Variants in CNBD1 observed in about 807,000 individuals in gnomAD.
CNBD1 encodes cyclic nucleotide-binding domain-containing protein 1.
In CNBD1, 71 loss-of-function variants were observed where a neutral mutation model predicts 54.4. That is an observed-to-expected ratio of 1.30 (90% CI 1.08 to 1.59). CNBD1 has a LOEUF of 1.59. CNBD1 is among the 40% of genes most tolerant of loss of function. The pLI, the probability that CNBD1 is intolerant of heterozygous loss-of-function variation, is 0.00. For synonymous variants in CNBD1, 182 were observed against 170.7 expected (o/e 1.07, Z -0.51); for missense variants, 659 against 518.0 (o/e 1.27, Z -2.64).
At chr8:87,038,297 A>G (rs1809991550) in intron 4 of CNBD1, among the ~76,000 whole-genome samples, 1 of 152,190 alleles carries the variant, frequency 6.6e-6, no homozygotes, top group Non-Finnish European at 1.5e-5. Flanking sequence ...CAGCACAGAC[A>G]AAGCCAAGTC....
intron 4 of CNBD1, among the ~76,000 whole-genome samples, chr8:87,165,595 G>T (rs1812945473): frequency 6.6e-6 from 1 of 151,864 alleles, no homozygotes; most frequent in African/African-American, 2.4e-5. Flanking sequence ...GTTAAGATTT[G>T]CATTGAGTAG....
chr8:87,012,576 A>G (rs1679659938), intron 4 of CNBD1, among the ~76,000 whole-genome samples: 1 of 152,182 alleles, frequency 6.6e-6, no homozygotes. Flanking sequence ...CAGATCCAGG[A>G]AATAATCAAC....
chr8:86,978,534 C>CTTT (rs71277907), intron 4 of CNBD1, among the ~76,000 whole-genome samples: 36 of 66,704 alleles, frequency 5.4e-4, no homozygotes, highest in Non-Finnish European at 6.8e-4. Flanking sequence ...ATGCTTTTAT[C>CTTT]TTTTTTTTTT....
At chr8:87,086,687 G>GA (rs1811102133) in intron 4 of CNBD1, among the ~76,000 whole-genome samples, 1 of 151,078 alleles carries the variant, frequency 6.6e-6, no homozygotes, top group Non-Finnish European at 1.5e-5. Flanking sequence ...TGTGAAAAAT[G>GA]AAAAAAAATT....
chr8:87,371,203 C>A (rs1297162358), intron 10 of CNBD1, among the ~76,000 whole-genome samples: 2 of 151,874 alleles, frequency 1.3e-5, no homozygotes, highest in Non-Finnish European at 2.9e-5. Flanking sequence ...ATTGACTGGG[C>A]AATGGGGGCT....
intron 4 of CNBD1, among the ~76,000 whole-genome samples, chr8:87,111,141 G>A (rs963031992): frequency 6.6e-6 from 1 of 152,082 alleles, no homozygotes; most frequent in East Asian, 1.9e-4. Context: ...ATTTACTAAC[G>A]TGGTCTGTTT....
intron 2 of CNBD1, among the ~76,000 whole-genome samples, chr8:87,403,465 C>T (rs1807602333): frequency 6.6e-6 from 1 of 152,012 alleles, no homozygotes; most frequent in Admixed American, 6.6e-5. Flanking sequence ...CCGCGTGCTA[C>T]TCCATCCCTT....
intron 6 of CNBD1, among the ~76,000 whole-genome samples, chr8:87,259,586 T>G (rs1005797826): frequency 3.3e-5 from 5 of 152,222 alleles, no homozygotes; most frequent in Non-Finnish European, 5.9e-5. Context: ...TTAAGCCAAT[T>G]AATTAGCACT....
intron 4 of CNBD1, among the ~76,000 whole-genome samples, chr8:87,018,559 A>G (rs573352042): frequency 6.6e-6 from 1 of 152,316 alleles, no homozygotes; most frequent in East Asian, 1.9e-4. Context: ...CTAAAGGAGT[A>G]GGTTCCTTTT....
intron 4 of CNBD1, among the ~76,000 whole-genome samples, chr8:87,139,607 G>T (rs968928077): frequency 5.3e-5 from 8 of 152,176 alleles, no homozygotes; most frequent in Admixed American, 4.6e-4. Context: ...GTGTCAGGGA[G>T]CAGGTGAGGT....
At chr8:86,952,561 G>A (rs1807652257) in intron 4 of CNBD1, among the ~76,000 whole-genome samples, 1 of 151,370 alleles carries the variant, frequency 6.6e-6, no homozygotes, top group East Asian at 1.9e-4. Flanking sequence ...AATATCAAAT[G>A]AAAAAGAAAG....
intron 4 of CNBD1, among the ~76,000 whole-genome samples, chr8:87,103,520 C>G (rs1189357232): frequency 6.6e-6 from 1 of 152,130 alleles, no homozygotes; most frequent in Non-Finnish European, 1.5e-5. Flanking sequence ...GCTAGAGAGG[C>G]CTCAGAAAAC....
chr8:87,340,516 T>C (rs10109797), intron 8 of CNBD1, among the ~76,000 whole-genome samples: 59,292 of 152,004 alleles, frequency 0.39, 11,815 homozygotes, highest in Middle Eastern at 0.46. Flanking sequence ...TCTTCTCCTT[T>C]GGGAACTCTC....
chr8:87,262,733 T>C (rs1006385754), intron 6 of CNBD1, among the ~76,000 whole-genome samples: 3 of 152,126 alleles, frequency 2.0e-5, no homozygotes, highest in Admixed American at 2.0e-4. Context: ...ATTATGAAAA[T>C]TTACCGCTTA....
intron 3 of CNBD1, among the ~76,000 whole-genome samples, chr8:86,907,890 A>G (rs748440122): frequency 5.3e-5 from 8 of 152,222 alleles, no homozygotes; most frequent in Non-Finnish European, 1.0e-4. Flanking sequence ...CTTTCATGTT[A>G]GCAGACATGA....
intron 8 of CNBD1, among the ~76,000 whole-genome samples, chr8:87,291,523 T>C (rs1322838637): frequency 6.6e-6 from 1 of 152,146 alleles, no homozygotes; most frequent in East Asian, 1.9e-4. Flanking sequence ...TTTAATGCCT[T>C]TAACAGTGTA....
At chr8:87,316,361 T>C (rs1429639877) in intron 8 of CNBD1, among the ~76,000 whole-genome samples, 1 of 152,044 alleles carries the variant, frequency 6.6e-6, no homozygotes, top group Non-Finnish European at 1.5e-5. Context: ...TTAGTTTCCA[T>C]TTTTTGCTTA....
At chr8:87,355,305 C>T (rs2130931386) in intron 10 of CNBD1, among the ~76,000 whole-genome samples, 1 of 152,204 alleles carries the variant, frequency 6.6e-6, no homozygotes, top group African/African-American at 2.4e-5. Flanking sequence ...TAGCAATGTT[C>T]CCTTCTTTTC....
chr8:87,221,143 T>A (rs1483559240), intron 5 of CNBD1, among the ~76,000 whole-genome samples: 1 of 152,136 alleles, frequency 6.6e-6, no homozygotes, highest in Non-Finnish European at 1.5e-5. Flanking sequence ...TCTCATACAT[T>A]ATTTTGGTTC....
Sources: allele counts gnomAD v4.1 joint callset (sites outside exome capture counted in the v4.1 genomes callset), GRCh38; gene constraint gnomAD v4.1.1; transcripts MANE v1.5; gene names NCBI Gene and HGNC (gene_info 2026-07-23, HGNC 2026-07-21).